The following MOSMO variants were observed in gnomAD, a reference collection of about 807,000 sequenced individuals.
MOSMO encodes modulator of smoothened.
In MOSMO, 5 loss-of-function variants were observed where a neutral mutation model predicts 18.4. The ratio of observed to expected loss-of-function variants is 0.27; its 90% CI spans 0.14 to 0.57. The LOEUF (loss-of-function observed/expected upper bound fraction) is 0.57, where lower values mean the gene tolerates loss of function less well. Among genes scored for constraint, MOSMO ranks in the 20% least tolerant of loss-of-function variants. The pLI, the probability that MOSMO is intolerant of heterozygous loss-of-function variation, is 0.92. For missense variants in MOSMO, 138 were observed against 211.8 expected (o/e 0.65, Z 2.16); for synonymous variants, 82 against 82.3 (o/e 1.00, Z 0.02).
At chr16:22,012,462 T>C (rs1422814522) in intron 1 of MOSMO, among the ~76,000 whole-genome samples, 2 of 152,172 alleles carry the variant, frequency 1.3e-5, no homozygotes, top group African/African-American at 4.8e-5. Context: ...AAAAATTACA[T>C]ATTGTTATAT....
At chr16:22,059,387 G>A (rs1401934755) in intron 1 of MOSMO, among the ~76,000 whole-genome samples, 2 of 152,136 alleles carry the variant, frequency 1.3e-5, no homozygotes, top group African/African-American at 4.8e-5. Context: ...GATAATAAAC[G>A]TTTATTATTC....
intron 1 of MOSMO, among the ~76,000 whole-genome samples, chr16:22,027,354 T>C (rs1405085745): frequency 2.0e-5 from 3 of 152,192 alleles, no homozygotes; most frequent in Non-Finnish European, 4.4e-5. Context: ...CAAGAAAAAT[T>C]TAACCGTTAT....
intron 1 of MOSMO, among the ~76,000 whole-genome samples, chr16:22,055,271 AC>A (rs1182131304): frequency 6.6e-6 from 1 of 152,070 alleles, no homozygotes; most frequent in Admixed American, 6.6e-5. Context: ...GAAGGAGTCA[AC>A]ACACTCCTTC....
the MOSMO span, chr16:22,092,612 C>A: frequency 1.5e-5 from 24 of 1,550,116 alleles, no homozygotes; most frequent in Non-Finnish European, 1.8e-5. Flanking sequence ...GTGCCAGGAG[C>A]CCTTCTCCCA....
chr16:22,077,530 C>T (rs1232570230), intron 2 of MOSMO, among the ~76,000 whole-genome samples: 1 of 152,108 alleles, frequency 6.6e-6, no homozygotes, highest in Non-Finnish European at 1.5e-5. Flanking sequence ...TTACCAGTTT[C>T]TGGGGTTTCC....
In MOSMO at chr16:22,008,235, A is replaced by C; in HGVS notation, c.-67A>C. 1 of 875,248 alleles carries C rather than the reference A, an allele frequency of 1.1e-6. No individual in the cohort carries two copies. The highest frequency in any genetic ancestry group is 4.2e-5 in the Admixed American group (1 of 24,066). 54.2% of individuals were successfully genotyped at this position (875,248 alleles called of 1,614,324 possible). A position where few individuals can be genotyped will look rare whatever the true frequency, so the allele number is the denominator to read the frequency against. ...GGACTCCGGGCCCCGGCGGCGGCCC[A>C]TGGGGCGGGAGGCGTGAGGCCGCTG... is the stretch of plus-strand genomic sequence containing the variant. On this transcript the variant is annotated 5_prime_UTR_variant, in exon 1 of 3. An upstream start codon of the reference 5' UTR is lost. Transcript: ENST00000542527.
Position 22,017,688 on chromosome 16 carries a change from A to G in MOSMO, c.106+9281A>G, listed in dbSNP as rs1182738029. On this transcript the variant is annotated intron_variant, in intron 1 of 2. Coordinates refer to ENST00000542527, the MANE Select transcript of MOSMO (RefSeq NM_001164579.2). Reference sequence around the variant, plus strand: ...ATCTTTGAATATCAGGATACCTAAAAATAGGTACCTGGATTAAAACCATTT... The same window carrying G: ...ATCTTTGAATATCAGGATACCTAAAGATAGGTACCTGGATTAAAACCATTT... 3.3e-5 allele frequency among the ~76,000 whole-genome samples: 5 copies of G among 152,152 alleles called. No individual in the cohort carries two copies. The East Asian group carries it at 7.7e-4, about 23-fold the overall frequency.
intron 1 of MOSMO, among the ~76,000 whole-genome samples, chr16:22,041,093 A>G (rs1332718974): frequency 6.6e-6 from 1 of 152,210 alleles, no homozygotes; most frequent in Non-Finnish European, 1.5e-5. Flanking sequence ...AGATCTTTGG[A>G]TTTAGAGATT....
chr16:22,063,336 T>G (rs1365577940), intron 1 of MOSMO, among the ~76,000 whole-genome samples: 1 of 152,156 alleles, frequency 6.6e-6, no homozygotes, highest in Non-Finnish European at 1.5e-5. Context: ...TTAAAGTTGT[T>G]TAATACCGGA....
chr16:22,069,755 G>T (rs980274495), intron 1 of MOSMO, among the ~76,000 whole-genome samples: 4 of 152,138 alleles, frequency 2.6e-5, no homozygotes, highest in African/African-American at 9.7e-5. Context: ...GGAAGTGAAG[G>T]CAGCAGAGGA....
At chr16:22,088,848 T>A (rs541691561), downstream of MOSMO, among the ~76,000 whole-genome samples, 4 of 152,328 alleles carry the variant, frequency 2.6e-5, no homozygotes, top group African/African-American at 9.6e-5. Flanking sequence ...CCAGTGTGGC[T>A]GATCTAAAGG....
At chr16:22,088,441 G>T (rs1005952026), downstream of MOSMO, among the ~76,000 whole-genome samples, 1 of 152,124 alleles carries the variant, frequency 6.6e-6, no homozygotes, top group Admixed American at 6.5e-5. Flanking sequence ...ATGTACATGA[G>T]GTTGCTTCCA....
chr16:22,089,115 T>A (rs979340478), downstream of MOSMO, among the ~76,000 whole-genome samples: 3 of 152,178 alleles, frequency 2.0e-5, no homozygotes, highest in Non-Finnish European at 4.4e-5. Flanking sequence ...GTTCACTGGT[T>A]TTTGGGTTTG....
intron 1 of MOSMO, among the ~76,000 whole-genome samples, chr16:22,020,043 A>G (rs1046343226): frequency 4.6e-5 from 7 of 151,508 alleles, no homozygotes; most frequent in Non-Finnish European, 7.4e-5. Flanking sequence ...GAGAAACCCC[A>G]TCTCTACTAA....
At chr16:22,038,644 A>G (rs1262151755) in intron 1 of MOSMO, among the ~76,000 whole-genome samples, 2 of 152,180 alleles carry the variant, frequency 1.3e-5, no homozygotes, top group Non-Finnish European at 2.9e-5. Flanking sequence ...GTGAAATGGG[A>G]GTGATAATAC....
At chr16:22,047,582 T>C (rs2141740147) in intron 1 of MOSMO, among the ~76,000 whole-genome samples, 1 of 152,278 alleles carries the variant, frequency 6.6e-6, no homozygotes, top group Admixed American at 6.5e-5. Context: ...TTGATAGATA[T>C]TTAGTAATAG....
chr16:22,047,514 G>C (rs575351875), intron 1 of MOSMO, among the ~76,000 whole-genome samples: 2 of 152,158 alleles, frequency 1.3e-5, no homozygotes, highest in African/African-American at 4.8e-5. Context: ...AAAGTGCTGG[G>C]ATTACAGGCT....
chr16:22,062,649 C>G (rs1488988682), intron 1 of MOSMO, among the ~76,000 whole-genome samples: 1 of 152,106 alleles, frequency 6.6e-6, no homozygotes, highest in Non-Finnish European at 1.5e-5. Context: ...AGTATATCGA[C>G]ATAGCAACAC....
intron 1 of MOSMO, among the ~76,000 whole-genome samples, chr16:22,068,436 A>G (rs749269420): frequency 6.6e-6 from 1 of 152,204 alleles, no homozygotes; most frequent in Non-Finnish European, 1.5e-5. Flanking sequence ...ACATTCACAT[A>G]TATGGATTTT....
Sources: allele counts gnomAD v4.1 joint callset (sites outside exome capture counted in the v4.1 genomes callset), GRCh38; gene constraint gnomAD v4.1.1; transcripts MANE v1.5; gene names NCBI Gene and HGNC (gene_info 2026-07-23, HGNC 2026-07-21).